Variants in FOCAD observed in about 807,000 individuals in gnomAD.
The protein encoded by FOCAD is focadhesin, also known as KIAA1797.
A neutral mutation model predicts 225.6 loss-of-function variants in FOCAD; 198 were observed. That is an observed-to-expected ratio of 0.88 (90% CI 0.78 to 0.99). The LOEUF is 0.99. Ranked by LOEUF, FOCAD falls within the 50% of genes least tolerant of loss-of-function variation. FOCAD has a pLI of 0.00. For missense variants in FOCAD, 2,713 were observed against 2,123.6 expected, an observed-to-expected ratio of 1.28 and a Z score of -5.46; for synonymous variants, 897 against 755.0, an observed-to-expected ratio of 1.19 and a Z score of -3.08.
chr9:20,791,063 G>A (rs17753224), intron 11 of FOCAD, among the ~76,000 whole-genome samples: 3,507 of 152,176 alleles, frequency 0.023, 62 homozygotes, highest in Middle Eastern at 0.031. Flanking sequence ...TTTTCTTTCA[G>A]TGTTGACACT....
At chr9:20,752,176 G>A (rs1193090048) in intron 5 of FOCAD, among the ~76,000 whole-genome samples, 2 of 151,592 alleles carry the variant, frequency 1.3e-5, no homozygotes, top group Admixed American at 6.6e-5. Flanking sequence ...GATCCCATTT[G>A]TCAATTTTGG....
Position 20,986,394 on chromosome 9 carries a change from A to G in FOCAD, c.4835A>G (p.Glu1612Gly), listed in dbSNP as rs147484762. ...CTGAGCGTTGCTGTGCAGCACCGTG[A>G]GAAAGAGGTGTTGGCCTGGATGATT... ...DMLSVAVQHREKEVLAWMILH... is the reference protein window; with the variant it reads ...DMLSVAVQHRGKEVLAWMILH... The change falls in exon 40 of 44, where the codon GAG (glutamate) becomes GGG (glycine). Residue 1612 changes from glutamate (E) to glycine (G), a missense_variant. Glu to Gly is a moderately conservative substitution (Grantham distance 98). Coordinates refer to ENST00000338382, the MANE Select transcript of FOCAD (RefSeq NM_001375567.1). 110 of 1,611,896 alleles carry G rather than the reference A, an allele frequency of 6.8e-5. No homozygotes were observed. Among genetic ancestry groups the G allele is most frequent in the Admixed American group, 1.7e-4 (10 of 59,730 alleles).
At chr9:20,826,214 A>T (rs139614272) in intron 15 of FOCAD, among the ~76,000 whole-genome samples, 1,657 of 152,112 alleles carry the variant, frequency 0.011, 9 homozygotes, top group Non-Finnish European at 0.018. Flanking sequence ...GGACTGGGAG[A>T]GGCAGGCCCA....
At chr9:20,848,678 C>T (rs566108235) in intron 15 of FOCAD, among the ~76,000 whole-genome samples, 48 of 151,932 alleles carry the variant, frequency 3.2e-4, no homozygotes, top group African/African-American at 1.1e-3. Context: ...GGGTTAACCA[C>T]GGTGTATGTA....
intron 1 of FOCAD, among the ~76,000 whole-genome samples, chr9:20,690,186 G>A (rs936210675): frequency 1.3e-5 from 2 of 152,180 alleles, no homozygotes; most frequent in East Asian, 3.8e-4. Flanking sequence ...TTCTGACCTA[G>A]AGTCTGTTTC....
At chr9:20,718,916 G>A (rs1490865620) in intron 3 of FOCAD, among the ~76,000 whole-genome samples, 2 of 152,172 alleles carry the variant, frequency 1.3e-5, no homozygotes, top group Non-Finnish European at 2.9e-5. Flanking sequence ...GATATTGTCA[G>A]TACAGCTGAA....
At chr9:20,725,880 C>A (rs1391380139) in intron 4 of FOCAD, among the ~76,000 whole-genome samples, 1 of 151,976 alleles carries the variant, frequency 6.6e-6, no homozygotes, top group Non-Finnish European at 1.5e-5. Context: ...AAAGCTGAGG[C>A]AACATGAAAC....
intron 15 of FOCAD, among the ~76,000 whole-genome samples, chr9:20,823,737 A>G (rs1013717155): frequency 2.6e-5 from 4 of 152,088 alleles, no homozygotes; most frequent in African/African-American, 9.7e-5. Context: ...TATATACCCA[A>G]TTGTAGTTTT....
At chr9:20,878,595 T>C (rs148239305) in intron 19 of FOCAD, among the ~76,000 whole-genome samples, 1 of 152,222 alleles carries the variant, frequency 6.6e-6, no homozygotes, top group African/African-American at 2.4e-5. Context: ...TAAGAAGGAA[T>C]TGTATTTGGC....
At position 20,901,190 on chromosome 9, in the gene FOCAD, CAATGTGT is replaced by C. The variant is rs1350946823; in HGVS notation, c.2626-5959_2626-5953del. 1.4e-3 allele frequency among the ~76,000 whole-genome samples: 147 copies of C among 103,504 alleles called. 2 individuals are homozygous for C. The highest frequency in any genetic ancestry group is 5.8e-3 in the African/African-American group (141 of 24,266). 67.9% of individuals were successfully genotyped at this position (103,504 alleles called of 152,430 possible). On this transcript the variant is annotated intron_variant, in intron 21 of 43. Coordinates refer to ENST00000338382, the MANE Select transcript of FOCAD (RefSeq NM_001375567.1). ...GTTTTTTTTTCTGGGAATGTGGAAA[CAATGTGT>C]GTGTGTGTGTGTGTGTGTGTGTGTG...
intron 6 of FOCAD, among the ~76,000 whole-genome samples, chr9:20,763,201 A>G (rs1175671384): frequency 6.6e-6 from 1 of 152,218 alleles, no homozygotes; most frequent in Admixed American, 6.5e-5. Context: ...TAATTAAATG[A>G]TTGAGCATCT....
chr9:20,831,044 T>C (rs1164231117), intron 15 of FOCAD, among the ~76,000 whole-genome samples: 1 of 152,116 alleles, frequency 6.6e-6, no homozygotes, highest in Non-Finnish European at 1.5e-5. Context: ...TTTAAATCCG[T>C]AGTTTTAAAG....
At chr9:20,917,977 ATC>A (rs998219578) in intron 24 of FOCAD, among the ~76,000 whole-genome samples, 1 of 152,208 alleles carries the variant, frequency 6.6e-6, no homozygotes, top group African/African-American at 2.4e-5. Context: ...ACTGGGAAAT[ATC>A]TGTTGATAAA....
Position 20,815,136 on chromosome 9 carries a change from T to G in FOCAD, c.1456-4660T>G, listed in dbSNP as rs200323034. On this transcript the variant is annotated intron_variant, in intron 11 of 43. Transcript: ENST00000338382. ...TTACTTCTCTTTGTTTTTTTTTTTT[T>G]GTTTTTTTTTTTTTTTTTGAGACAG... Among the ~76,000 whole-genome samples the G allele has an allele frequency of 1.1e-3, 50 of 46,568 alleles. 2 individuals carry two copies. The highest frequency in any genetic ancestry group is 2.3e-3 in the African/African-American group (27 of 11,944). The allele number at this position is 46,568 out of a possible 152,430, so 30.6% of individuals were successfully genotyped here.
intron 20 of FOCAD, among the ~76,000 whole-genome samples, chr9:20,882,514 G>A (rs569715580): frequency 2.6e-5 from 4 of 152,114 alleles, no homozygotes; most frequent in Non-Finnish European, 4.4e-5. Flanking sequence ...AAACAAAGAC[G>A]AGCTAGGAGA....
upstream of FOCAD, among the ~76,000 whole-genome samples, chr9:20,681,285 C>T (rs953700233): frequency 5.9e-5 from 9 of 151,956 alleles, no homozygotes; most frequent in Non-Finnish European, 1.3e-4. Flanking sequence ...AGAGATGGGG[C>T]GGGGGCCCTC....
At chr9:20,995,380 A>G (rs894218876) in intron 43 of FOCAD, among the ~76,000 whole-genome samples, 176 bp from the exon 44 acceptor site, 4 of 149,464 alleles carry the variant, frequency 2.7e-5, no homozygotes, top group Non-Finnish European at 5.9e-5. Context: ...AAAAAAAACA[A>G]CTTTCCCCCC....
intron 15 of FOCAD, among the ~76,000 whole-genome samples, chr9:20,856,845 T>C (rs985736447): frequency 2.0e-5 from 3 of 151,744 alleles, no homozygotes; most frequent in Admixed American, 2.0e-4. Context: ...TATTGAAGAC[T>C]GTCCTTTCCC....
At chr9:20,689,884 CAT>C (rs1587227152) in intron 1 of FOCAD, among the ~76,000 whole-genome samples, 1 of 152,194 alleles carries the variant, frequency 6.6e-6, no homozygotes, top group South Asian at 2.1e-4. Flanking sequence ...TTAAAAATAA[CAT>C]ATATGTCTCC....
Sources: allele counts gnomAD v4.1 joint callset (sites outside exome capture counted in the v4.1 genomes callset), GRCh38; gene constraint gnomAD v4.1.1; transcripts MANE v1.5; gene names NCBI Gene and HGNC (gene_info 2026-07-23, HGNC 2026-07-21).